SOX5: variants seen among roughly 807,000 people sequenced by gnomAD.
SOX5 encodes SRY-box transcription factor 5.
SOX5 carries 9 observed loss-of-function variants against 92.0 expected under a neutral mutation model. The observed-to-expected ratio is 0.10, with a 90% CI of 0.06 to 0.17. The LOEUF (loss-of-function observed/expected upper bound fraction) is 0.17. Ranked by LOEUF, SOX5 falls within the 10% of genes least tolerant of loss-of-function variation. SOX5 has a pLI of 1.00. For missense variants in SOX5, 642 were observed against 944.5 expected, an observed-to-expected ratio of 0.68 and a Z score of 4.20; for synonymous variants, 344 against 336.3, an observed-to-expected ratio of 1.02 and a Z score of -0.25.
intron 9 of SOX5, among the ~76,000 whole-genome samples, chr12:23,589,166 T>C (rs910747531): frequency 1.3e-5 from 2 of 151,946 alleles, no homozygotes; most frequent in Non-Finnish European, 2.9e-5. Context: ...GGGTGGGAAG[T>C]TTCTCTGCCA....
intron 1 of SOX5, among the ~76,000 whole-genome samples, chr12:24,493,220 C>T (rs530649054): frequency 1.3e-5 from 2 of 152,184 alleles, no homozygotes; most frequent in African/African-American, 4.8e-5. Context: ...TTCTACTGCG[C>T]AAATTTGAAA....
intron 1 of SOX5, among the ~76,000 whole-genome samples, chr12:24,381,225 A>C (rs142771414): frequency 5.0e-4 from 76 of 152,360 alleles, no homozygotes; most frequent in Middle Eastern, 3.4e-3. Flanking sequence ...AAAACAATAA[A>C]AACATTCTGT....
intron 3 of SOX5, among the ~76,000 whole-genome samples, chr12:23,800,167 G>A (rs2095635185): frequency 6.6e-6 from 1 of 151,752 alleles, no homozygotes; most frequent in Non-Finnish European, 1.5e-5. Context: ...TTTTTAAATG[G>A]TTGAAAAAAA....
intron 4 of SOX5, among the ~76,000 whole-genome samples, chr12:23,977,023 C>A (rs931973698): frequency 6.6e-6 from 1 of 152,052 alleles, no homozygotes; most frequent in African/African-American, 2.4e-5. Context: ...TTTATTATGA[C>A]TGAACTCTGT....
chr12:24,365,787 T>C (rs1216671415), intron 2 of SOX5, among the ~76,000 whole-genome samples: 2 of 151,762 alleles, frequency 1.3e-5, no homozygotes, highest in Non-Finnish European at 2.9e-5. Context: ...CTTTTCCTAA[T>C]ATGTCTTTTT....
At chr12:23,603,718 C>T in intron 9 of SOX5, among the ~76,000 whole-genome samples, 1 of 152,038 alleles carries the variant, frequency 6.6e-6, no homozygotes, top group African/African-American at 2.4e-5. Flanking sequence ...TTCCCTGATC[C>T]TTTTCCATGT....
intron 6 of SOX5, among the ~76,000 whole-genome samples, chr12:23,711,567 AT>A (rs983180807): frequency 2.0e-5 from 3 of 151,596 alleles, no homozygotes; most frequent in African/African-American, 7.2e-5. Flanking sequence ...CTAATACATT[AT>A]TTTTTTCTGT....
chr12:24,524,365 A>G (rs969296540), intron 1 of SOX5, among the ~76,000 whole-genome samples: 6 of 151,892 alleles, frequency 4.0e-5, no homozygotes, highest in South Asian at 4.2e-4. Context: ...CTATCTATCT[A>G]TCTATCTATC....
chr12:24,096,012 C>T (rs1239092531), intron 4 of SOX5, among the ~76,000 whole-genome samples: 2 of 152,136 alleles, frequency 1.3e-5, no homozygotes, highest in Non-Finnish European at 2.9e-5. Flanking sequence ...AACCTCTTAC[C>T]CTAACGGTCA....
At chr12:23,550,318 G>A (rs545738114) in intron 11 of SOX5, among the ~76,000 whole-genome samples, 3 of 151,928 alleles carry the variant, frequency 2.0e-5, no homozygotes, top group Admixed American at 6.6e-5. Context: ...ACTCTCTGCC[G>A]TATATATTAG....
At chr12:24,513,330 G>T (rs182771476) in intron 1 of SOX5, among the ~76,000 whole-genome samples, 4 of 152,226 alleles carry the variant, frequency 2.6e-5, no homozygotes, top group Non-Finnish European at 4.4e-5. Flanking sequence ...GGAGCAACTG[G>T]TGTCTTTCTT....
At position 23,533,321 on chromosome 12, in the gene SOX5, C is replaced by T. The variant is rs1238074763; in HGVS notation, c.*898G>A. On this transcript the variant is annotated 3_prime_UTR_variant, in exon 15 of 15. Transcript: ENST00000451604. ...TTCTTATGTCTCTCTCTCTCTCTCT[C>T]TTTTCACCTGAGAACAGCACCTACA... 2.9e-6 allele frequency: 1 copy of T among 346,554 alleles called. No homozygotes were observed. Among genetic ancestry groups the T allele is most frequent in the Non-Finnish European group, 6.1e-6 (1 of 164,944 alleles). The allele number at this position is 346,554 out of a possible 1,614,324, so 21.5% of individuals were successfully genotyped here.
In SOX5 at chr12:23,645,901, A is replaced by G. The variant is rs368920686; in HGVS notation, c.932-5004T>C. Among the ~76,000 whole-genome samples the G allele has an allele frequency of 2.0e-5, 3 of 152,352 alleles. No individual in the cohort carries two copies. In the East Asian group the frequency reaches 5.8e-4, roughly 29 times the overall value. Reference sequence around the variant, plus strand: ...CCACAATAAAGCAAGTAGCACAATAAAGCAAGTTATGCACACTTTTTTGTT... The same window carrying G: ...CCACAATAAAGCAAGTAGCACAATAGAGCAAGTTATGCACACTTTTTTGTT... On this transcript the variant is annotated intron_variant, in intron 7 of 14. Transcript: ENST00000451604.
intron 3 of SOX5, among the ~76,000 whole-genome samples, chr12:23,771,187 C>CA (rs376988688): frequency 0.12 from 12,676 of 108,446 alleles, 658 homozygotes; most frequent in East Asian, 0.36. Context: ...AAAAATGGAG[C>CA]AAAAAAAAAA....
At chr12:24,040,992 C>G (rs950232977) in intron 4 of SOX5, among the ~76,000 whole-genome samples, 2 of 152,148 alleles carry the variant, frequency 1.3e-5, no homozygotes. Flanking sequence ...GGGGGAAACA[C>G]TTTATAAATA....
intron 4 of SOX5, among the ~76,000 whole-genome samples, chr12:24,103,419 A>G (rs1181073762): frequency 1.3e-5 from 2 of 151,752 alleles, no homozygotes; most frequent in African/African-American, 4.8e-5. Context: ...CAATGATGCA[A>G]TCGTAGCTCA....
At chr12:24,466,083 G>A (rs1324483786) in intron 1 of SOX5, among the ~76,000 whole-genome samples, 6 of 151,916 alleles carry the variant, frequency 3.9e-5, no homozygotes, top group African/African-American at 2.4e-5. Context: ...TGAGAGGGTA[G>A]AAGAAAAAAA....
At chr12:23,799,866 T>A (rs2095631027) in intron 3 of SOX5, among the ~76,000 whole-genome samples, 1 of 152,086 alleles carries the variant, frequency 6.6e-6, no homozygotes, top group Non-Finnish European at 1.5e-5. Context: ...ATTTATTTTA[T>A]CTGTGAAGAT....
rs935326588 is a variant in SOX5, at chr12:24,037,204, T to C, written c.-1-141180A>G. On this transcript the variant is annotated intron_variant, in intron 4 of 4. Transcript: ENST00000446891. ...CCCTGACCTTTGCAAGCTATTCAAG[T>C]AGGCTCTTAAGATAATTCAAATGAA... Among the ~76,000 whole-genome samples, 5 of 152,258 alleles carry C rather than the reference T, an allele frequency of 3.3e-5. No homozygotes were observed. In the South Asian group the frequency reaches 6.2e-4, roughly 19 times the overall value.
Sources: gnomAD v4.1 joint callset for allele counts (sites outside exome capture counted in the v4.1 genomes callset) on GRCh38, gnomAD v4.1.1 for gene constraint, MANE v1.5 for transcripts, NCBI Gene and HGNC (gene_info 2026-07-23, HGNC 2026-07-21) for gene names.